The following TDG variants were observed in gnomAD, a reference collection of about 807,000 sequenced individuals.
The protein encoded by TDG is G/T mismatch-specific thymine DNA glycosylase.
TDG carries 23 observed loss-of-function variants against 46.1 expected under a neutral mutation model. The ratio of observed to expected loss-of-function variants is 0.50; its 90% confidence interval spans 0.36 to 0.71. The LOEUF (loss-of-function observed/expected upper bound fraction) is 0.71. Among genes scored for constraint, TDG ranks in the 30% least tolerant of loss-of-function variants. The pLI, the probability that TDG is intolerant of heterozygous loss-of-function variation, is 0.00. For synonymous variants in TDG, 115 were observed against 161.3 expected (o/e 0.71, Z 2.18); for missense variants, 304 against 486.7 (o/e 0.62, Z 3.53).
intron 1 of TDG, among the ~76,000 whole-genome samples, chr12:103,969,219 C>A (rs1057252781): frequency 2.6e-5 from 4 of 152,184 alleles, no homozygotes; most frequent in Non-Finnish European, 5.9e-5. Context: ...GATGTGGAAG[C>A]ATGGGCATAA....
At chr12:103,983,083 A>C in intron 5 of TDG, 53 bp from the exon 6 acceptor site, 1 of 1,550,362 alleles carries the variant, frequency 6.5e-7, no homozygotes. Flanking sequence ...AATTTAGCAT[A>C]TTATAAATAT....
rs1375361853 is a variant in TDG, at chr12:103,987,701, C to T, written c.*611C>T. On this transcript the variant is annotated 3_prime_UTR_variant, in exon 10 of 10. Transcript: ENST00000392872. ...GACAGAGCCCTGGCTTTGACCTGCTCAGCCCTGTGTGTTAATCCTCTAGTA... is the reference window on the plus strand; with the variant it reads ...GACAGAGCCCTGGCTTTGACCTGCTTAGCCCTGTGTGTTAATCCTCTAGTA... The T allele has an allele frequency of 2.6e-5, 4 of 152,834 alleles. No homozygotes were observed. Among genetic ancestry groups the T allele is most frequent in the South Asian group, 2.1e-4 (1 of 4,836 alleles). 9.5% of individuals were successfully genotyped at this position (152,834 alleles called of 1,614,324 possible). A position where few individuals can be genotyped will look rare whatever the true frequency, so the allele number is the denominator to read the frequency against.
At chr12:103,977,097 G>A (rs369817248) in intron 2 of TDG, 37 bp downstream of exon 2, 91 of 1,575,352 alleles carry the variant, frequency 5.8e-5, no homozygotes, top group Non-Finnish European at 7.6e-5. Context: ...GTTCAACATC[G>A]GATCAGCCAG....
chr12:103,982,553 G>A (rs1233744939), intron 4 of TDG, among the ~76,000 whole-genome samples: 1 of 152,140 alleles, frequency 6.6e-6, no homozygotes, highest in African/African-American at 2.4e-5. Flanking sequence ...GATCACTTGA[G>A]CCCAGGAATT....
chr12:103,981,866 T>C (rs1871854023), intron 4 of TDG, among the ~76,000 whole-genome samples: 1 of 152,112 alleles, frequency 6.6e-6, no homozygotes. Flanking sequence ...AATAAAAAAT[T>C]AGCTGAGTGC....
chr12:103,985,047 ACG>A (rs1042825824), intron 8 of TDG, 127 bp downstream of exon 8: 26 of 591,374 alleles, frequency 4.4e-5, no homozygotes, highest in Non-Finnish European at 6.3e-5. Context: ...ATATATGCAC[ACG>A]TGTATATATA....
intron 2 of TDG, among the ~76,000 whole-genome samples, chr12:103,979,185 C>T (rs1871693361): frequency 6.7e-6 from 1 of 149,430 alleles, no homozygotes; most frequent in South Asian, 2.1e-4. Flanking sequence ...TCACTGCAAC[C>T]TCCACCTCTT....
intron 8 of TDG, among the ~76,000 whole-genome samples, chr12:103,985,311 C>G (rs1189051006): frequency 6.6e-6 from 1 of 151,988 alleles, no homozygotes; most frequent in East Asian, 1.9e-4. Context: ...GTTAAAATCT[C>G]CTTTTACCAA....
At chr12:103,978,146 T>C (rs1262746095) in intron 2 of TDG, among the ~76,000 whole-genome samples, 1 of 152,084 alleles carries the variant, frequency 6.6e-6, no homozygotes, top group Non-Finnish European at 1.5e-5. Flanking sequence ...TTGAATAATC[T>C]AGGGGAGCAC....
intron 7 of TDG, among the ~76,000 whole-genome samples, chr12:103,983,851 C>G (rs1304899382): frequency 6.6e-6 from 1 of 152,214 alleles, no homozygotes; most frequent in East Asian, 1.9e-4. Context: ...GCCAACCTAA[C>G]TGGCATTCAA....
chr12:103,979,735 G>A (rs1871727921), intron 2 of TDG, 96 bp from the exon 3 acceptor site: 3 of 1,433,420 alleles, frequency 2.1e-6, no homozygotes, highest in South Asian at 2.9e-5. Flanking sequence ...TGGGGAGACA[G>A]GTACAAAAGG....
intron 2 of TDG, among the ~76,000 whole-genome samples, chr12:103,978,929 C>T (rs2136237936): frequency 6.6e-6 from 1 of 152,100 alleles, no homozygotes; most frequent in South Asian, 2.1e-4. Flanking sequence ...AGTGTGGAGG[C>T]TGAGAAACTG....
intron 1 of TDG, among the ~76,000 whole-genome samples, chr12:103,973,194 C>A (rs569204974): frequency 6.6e-6 from 1 of 150,376 alleles, no homozygotes; most frequent in East Asian, 2.0e-4. Flanking sequence ...AAGCGATTCT[C>A]CTACCTCAGC....
intron 1 of TDG, among the ~76,000 whole-genome samples, chr12:103,966,749 C>T (rs182894619): frequency 6.6e-6 from 1 of 152,010 alleles, no homozygotes; most frequent in African/African-American, 2.4e-5. Flanking sequence ...GATATGGTGA[C>T]AGTTTTTTAA....
intron 8 of TDG, 64 bp downstream of exon 8, chr12:103,984,984 C>CCT: frequency 7.9e-7 from 1 of 1,259,486 alleles, no homozygotes; most frequent in South Asian, 1.9e-5. Flanking sequence ...TATATACTTA[C>CCT]ATATATATAC....
chr12:103,974,671 A>C (rs2723875), intron 1 of TDG, among the ~76,000 whole-genome samples: 44,792 of 151,996 alleles, frequency 0.29, 6,872 homozygotes, highest in East Asian at 0.46. Context: ...AGTATCTTGC[A>C]GTAGAAAACA....
chr12:103,973,948 G>T lies in TDG; in HGVS notation c.24-2970G>T, dbSNP rs4135074. Among the ~76,000 whole-genome samples, 126 of 152,242 alleles carry T rather than the reference G, an allele frequency of 8.3e-4. 2 individuals are homozygous for T. The East Asian group carries it at 0.02, about 24-fold the overall frequency. ...TTTATTTAATTTGTGAACAATAAAA[G>T]AAATAAAACTCTTATGATACAGGTT... On this transcript the variant is annotated intron_variant, in intron 1 of 9. Transcript: ENST00000392872.
chr12:103,986,714 A>C, intron 9 of TDG: 1 of 375,682 alleles, frequency 2.7e-6, no homozygotes. Context: ...CACCGTCTCA[A>C]AAAGAAAAAA....
intron 1 of TDG, among the ~76,000 whole-genome samples, chr12:103,971,186 T>C (rs1205211413): frequency 2.0e-5 from 3 of 152,146 alleles, no homozygotes; most frequent in Non-Finnish European, 2.9e-5. Context: ...CAAAACTAGG[T>C]ACATACCACA....
Sources: gnomAD v4.1 joint callset for allele counts (sites outside exome capture counted in the v4.1 genomes callset) on GRCh38, gnomAD v4.1.1 for gene constraint, MANE v1.5 for transcripts, NCBI Gene and HGNC (gene_info 2026-07-23, HGNC 2026-07-21) for gene names.